PRKG1: variants seen among roughly 807,000 people sequenced by gnomAD.
The protein encoded by PRKG1 is cGMP-dependent protein kinase 1.
A neutral mutation model predicts 88.1 loss-of-function variants in PRKG1; 35 were observed. The ratio of observed to expected loss-of-function variants is 0.40; its 90% CI spans 0.30 to 0.53. PRKG1 has a LOEUF of 0.53. Among genes scored for constraint, PRKG1 ranks in the 20% least tolerant of loss-of-function variants. The pLI is 0.59. For synonymous variants in PRKG1, 303 were observed against 292.5 expected (o/e 1.04, Z -0.37); for missense variants, 540 against 839.8 (o/e 0.64, Z 4.41).
chr10:51,727,149 G>A lies in PRKG1; in HGVS notation c.593-77436G>A, dbSNP rs572372388. Among the ~76,000 whole-genome samples, 62 of 151,682 alleles carry A rather than the reference G, an allele frequency of 4.1e-4. 1 individual carries two copies. In the East Asian group the frequency reaches 0.011, roughly 27 times the overall value. On this transcript the variant is annotated intron_variant, in intron 3 of 17. Transcript: ENST00000373980. The stretch of plus-strand genomic sequence containing the variant: ...AAAATGTAAACGAATGTCTTTTAAA[G>A]AATTTTTTAAGCTAGGCATGATGAC...
chr10:52,027,908 C>A (rs892045127), intron 5 of PRKG1, among the ~76,000 whole-genome samples: 1 of 152,130 alleles, frequency 6.6e-6, no homozygotes, highest in Non-Finnish European at 1.5e-5. Context: ...CCTGCCTCAG[C>A]CACCAGAGTA....
chr10:51,602,486 C>T (rs1031563919), intron 3 of PRKG1, among the ~76,000 whole-genome samples: 2 of 151,950 alleles, frequency 1.3e-5, no homozygotes, highest in African/African-American at 4.8e-5. Context: ...CACTCTGTCA[C>T]CCAGGCTGGA....
At chr10:50,997,452 C>T (rs1238567920) in intron 1 of PRKG1, among the ~76,000 whole-genome samples, 2 of 150,232 alleles carry the variant, frequency 1.3e-5, no homozygotes, top group South Asian at 2.1e-4. Context: ...CAAAAGATGT[C>T]GTATCTTTTT....
chr10:51,931,674 T>C (rs1345667137), intron 5 of PRKG1, among the ~76,000 whole-genome samples: 3 of 152,218 alleles, frequency 2.0e-5, no homozygotes, highest in African/African-American at 7.2e-5. Context: ...CTCTCAGTTG[T>C]ACTAGGGCAA....
chr10:51,867,913 A>G (rs1478401380), intron 4 of PRKG1, among the ~76,000 whole-genome samples: 1 of 152,212 alleles, frequency 6.6e-6, no homozygotes, highest in East Asian at 1.9e-4. Context: ...TTATTTAAAA[A>G]AGAAAATTTA....
intron 2 of PRKG1, among the ~76,000 whole-genome samples, chr10:51,317,525 C>A (rs536102215): frequency 1.3e-5 from 2 of 152,218 alleles, no homozygotes; most frequent in African/African-American, 4.8e-5. Context: ...CATAATGAAT[C>A]CTAAACAGAA....
intron 8 of PRKG1, among the ~76,000 whole-genome samples, chr10:52,143,993 G>A (rs1482618239): frequency 3.9e-5 from 6 of 152,146 alleles, no homozygotes; most frequent in African/African-American, 1.4e-4. Flanking sequence ...TTTTGAGTAA[G>A]AATAAAATAC....
intron 1 of PRKG1, among the ~76,000 whole-genome samples, chr10:51,051,836 C>T (rs1843565829): frequency 6.6e-6 from 1 of 152,058 alleles, no homozygotes; most frequent in Non-Finnish European, 1.5e-5. Flanking sequence ...TGTATATAAG[C>T]CTTCAAATTA....
chr10:52,157,656 C>T (rs949371705), intron 8 of PRKG1, among the ~76,000 whole-genome samples: 1 of 151,498 alleles, frequency 6.6e-6, no homozygotes, highest in Non-Finnish European at 1.5e-5. Context: ...AAATGAGAAA[C>T]AGCCTCTTAA....
At chr10:52,009,838 A>G (rs951155991) in intron 5 of PRKG1, among the ~76,000 whole-genome samples, 12 of 152,200 alleles carry the variant, frequency 7.9e-5, no homozygotes, top group African/African-American at 2.9e-4. Flanking sequence ...AGAACAGTGG[A>G]ACAGAGTAGA....
At chr10:52,049,079 G>C (rs1305022164) in intron 5 of PRKG1, among the ~76,000 whole-genome samples, 1 of 152,150 alleles carries the variant, frequency 6.6e-6, no homozygotes, top group African/African-American at 2.4e-5. Context: ...GCTGTGGTTT[G>C]CAGCTGTGCT....
intron 5 of PRKG1, among the ~76,000 whole-genome samples, chr10:52,021,330 G>A (rs967979956): frequency 2.0e-5 from 3 of 152,176 alleles, no homozygotes; most frequent in Non-Finnish European, 4.4e-5. Context: ...TTAAGCAGGA[G>A]GGAGGCCACA....
intron 2 of PRKG1, among the ~76,000 whole-genome samples, chr10:51,208,941 C>T (rs77383785): frequency 0.02 from 3,067 of 152,216 alleles, 47 homozygotes; most frequent in Middle Eastern, 0.051. Flanking sequence ...CAATTTATTT[C>T]TCTCCTGAAA....
intron 10 of PRKG1, among the ~76,000 whole-genome samples, chr10:52,258,457 C>T (rs1264322370): frequency 6.7e-6 from 1 of 150,222 alleles, no homozygotes; most frequent in Non-Finnish European, 1.5e-5. Flanking sequence ...TATAATTTTG[C>T]CCTTATAGCT....
chr10:52,130,809 A>C (rs140223804), intron 7 of PRKG1, among the ~76,000 whole-genome samples: 59 of 152,330 alleles, frequency 3.9e-4, no homozygotes, highest in African/African-American at 1.4e-3. Flanking sequence ...CATTGCTTAC[A>C]TCTATGGAGC....
intron 10 of PRKG1, among the ~76,000 whole-genome samples, chr10:52,264,428 G>T (rs1310103107): frequency 6.7e-6 from 1 of 149,248 alleles, no homozygotes. Flanking sequence ...TTCTTCCTTT[G>T]CAGAACATTT....
At chr10:51,714,443 A>G (rs542020968) in intron 3 of PRKG1, among the ~76,000 whole-genome samples, 1 of 152,296 alleles carries the variant, frequency 6.6e-6, no homozygotes, top group Admixed American at 6.5e-5. Context: ...CTTAAGGCAC[A>G]TTTATGACAA....
At chr10:51,837,128 G>T (rs1360032439) in intron 4 of PRKG1, among the ~76,000 whole-genome samples, 1 of 152,128 alleles carries the variant, frequency 6.6e-6, no homozygotes, top group Non-Finnish European at 1.5e-5. Context: ...TGAAAAGGAA[G>T]AAGTAAGTTG....
intron 3 of PRKG1, among the ~76,000 whole-genome samples, chr10:51,721,219 A>C (rs1416700225): frequency 1.3e-5 from 2 of 150,088 alleles, no homozygotes; most frequent in Non-Finnish European, 3.0e-5. Flanking sequence ...TATTAAAAAA[A>C]AAAAAAAAAA....
Sources: allele counts gnomAD v4.1 joint callset (sites outside exome capture counted in the v4.1 genomes callset), GRCh38; gene constraint gnomAD v4.1.1; transcripts MANE v1.5; gene names NCBI Gene and HGNC (gene_info 2026-07-23, HGNC 2026-07-21).